The following COG5 variants were observed in gnomAD, a reference collection of about 807,000 sequenced individuals.
COG5 encodes the protein conserved oligomeric Golgi complex subunit 5.
COG5 carries 86 observed loss-of-function variants against 110.4 expected under a neutral mutation model. That is an observed-to-expected ratio of 0.78 (90% CI 0.65 to 0.93). COG5 has a LOEUF of 0.93. COG5 is among the 40% of genes least tolerant of loss of function. COG5 has a pLI of 0.00. For missense variants in COG5, 1,077 were observed against 987.0 expected (o/e 1.09, Z -1.22); for synonymous variants, 360 against 334.6 (o/e 1.08, Z -0.83).
chr7:107,492,196 TG>T (rs1936036574), intron 6 of COG5, among the ~76,000 whole-genome samples: 5 of 151,836 alleles, frequency 3.3e-5, no homozygotes, highest in Non-Finnish European at 7.4e-5. Flanking sequence ...TGTGTGTGTG[TG>T]TGTGTGTAGT....
At chr7:107,489,695 A>G (rs145602423) in intron 6 of COG5, among the ~76,000 whole-genome samples, 2 of 152,298 alleles carry the variant, frequency 1.3e-5, no homozygotes, top group East Asian at 3.8e-4. Flanking sequence ...AACTACTTAT[A>G]AAGGAATGAC....
intron 5 of COG5, among the ~76,000 whole-genome samples, chr7:107,542,467 T>C (rs149232894): frequency 6.6e-6 from 1 of 152,322 alleles, no homozygotes; most frequent in East Asian, 1.9e-4. Context: ...TGGCATTATC[T>C]AATAAAGTTG....
At chr7:107,278,378 T>C (rs1052063151) in intron 14 of COG5, among the ~76,000 whole-genome samples, 5 of 152,082 alleles carry the variant, frequency 3.3e-5, no homozygotes, top group Admixed American at 6.5e-5. Context: ...CCCATCAACC[T>C]CTCATCTACA....
At chr7:107,211,280 T>A (rs1799155911) in intron 19 of COG5, 55 bp from the exon 20 acceptor site, 6 of 1,581,946 alleles carry the variant, frequency 3.8e-6, no homozygotes, top group Non-Finnish European at 5.2e-6. Flanking sequence ...AATAGGTGAT[T>A]TGGTGGGAGA....
chr7:107,478,042 A>C (rs575025381), intron 6 of COG5, among the ~76,000 whole-genome samples: 12 of 152,060 alleles, frequency 7.9e-5, no homozygotes, highest in African/African-American at 2.9e-4. Context: ...TCCATATATC[A>C]TAAATCATAG....
At chr7:107,247,611 G>T (rs1802151684) in intron 17 of COG5, among the ~76,000 whole-genome samples, 1 of 152,156 alleles carries the variant, frequency 6.6e-6, no homozygotes, top group African/African-American at 2.4e-5. Context: ...TAGCTTTAAT[G>T]TGGTTAAGTT....
chr7:107,509,236 A>G (rs1584912573), intron 6 of COG5, among the ~76,000 whole-genome samples: 1 of 152,238 alleles, frequency 6.6e-6, no homozygotes, highest in African/African-American at 2.4e-5. Context: ...AGGCTCAAGA[A>G]CTACGTGAAG....
intron 14 of COG5, among the ~76,000 whole-genome samples, chr7:107,275,749 T>C (rs950116549): frequency 7.9e-5 from 12 of 151,746 alleles, no homozygotes; most frequent in Admixed American, 2.0e-4. Flanking sequence ...GTCTTGAACT[T>C]CTGACCTGAG....
chr7:107,512,965 A>T (rs981398206), intron 6 of COG5, among the ~76,000 whole-genome samples: 2 of 152,122 alleles, frequency 1.3e-5, no homozygotes, highest in Non-Finnish European at 2.9e-5. Flanking sequence ...CCTAGGCAAT[A>T]CCATTCAGGA....
At chr7:107,337,260 A>G (rs967477641) in intron 10 of COG5, among the ~76,000 whole-genome samples, 1 of 152,224 alleles carries the variant, frequency 6.6e-6, no homozygotes, top group African/African-American at 2.4e-5. Flanking sequence ...AAAAACTAAA[A>G]AGAGAACTAT....
intron 11 of COG5, among the ~76,000 whole-genome samples, chr7:107,313,035 T>C (rs143638246): frequency 6.6e-5 from 10 of 152,240 alleles, no homozygotes; most frequent in Admixed American, 2.0e-4. Flanking sequence ...TTGTGAGGCT[T>C]AGGAAACAAA....
chr7:107,280,148 CA>C (rs1805050834), intron 14 of COG5, among the ~76,000 whole-genome samples: 1 of 151,858 alleles, frequency 6.6e-6, no homozygotes, highest in Admixed American at 6.6e-5. Flanking sequence ...AAGATTTAAA[CA>C]AAGATTGAGA....
chr7:107,405,702 G>T (rs1379879208), intron 7 of COG5, among the ~76,000 whole-genome samples: 1 of 152,186 alleles, frequency 6.6e-6, no homozygotes, highest in Non-Finnish European at 1.5e-5. Flanking sequence ...GCAATAGTCT[G>T]AATGTTTGTG....
chr7:107,281,203 TA>T, intron 14 of COG5, 96 bp downstream of exon 14: 1 of 837,308 alleles, frequency 1.2e-6, no homozygotes, highest in Non-Finnish European at 1.9e-6. Flanking sequence ...TGGAAGTAAG[TA>T]AATAGTCAAT....
intron 6 of COG5, among the ~76,000 whole-genome samples, chr7:107,434,948 C>T (rs988781733): frequency 3.4e-5 from 5 of 148,682 alleles, no homozygotes; most frequent in Admixed American, 6.7e-5. Flanking sequence ...CCAACCTGGA[C>T]GACAGAGCGA....
At position 107,395,539 on chromosome 7, in the gene COG5, A is replaced by C. The variant is rs113205742; in HGVS notation, c.669+16963T>G. Among the ~76,000 whole-genome samples, 386 of 120,274 alleles carry C rather than the reference A, an allele frequency of 3.2e-3. 1 individual carries two copies. The highest frequency in any genetic ancestry group is 0.012 in the African/African-American group (372 of 31,330). 78.9% of individuals were successfully genotyped at this position (120,274 alleles called of 152,430 possible). On this transcript the variant is annotated intron_variant, in intron 7 of 21. Transcript: ENST00000297135. The stretch of plus-strand genomic sequence containing the variant: ...TCAAATCGTCTTTACCATGAAGCAG[A>C]TCTTTTTTTTTTTTTTTTTTTTTTT...
rs765171763 is a variant in COG5, at chr7:107,308,055, A to AT, written c.1109-9710dup. On this transcript the variant is annotated intron_variant, in intron 11 of 21. Transcript: ENST00000297135. The stretch of plus-strand genomic sequence containing the variant: ...AGGATCCATAAATAGTTCACCTATT[A>AT]TAACTAGTTGATATATCATCAACCT... 1.7e-3 allele frequency among the ~76,000 whole-genome samples: 255 copies of AT among 152,336 alleles called. 1 individual carries two copies. Among genetic ancestry groups the AT allele is most frequent in the Non-Finnish European group, 1.6e-3 (108 of 68,024 alleles).
At chr7:107,269,941 A>G (rs1804109987) in intron 14 of COG5, among the ~76,000 whole-genome samples, 4 of 152,210 alleles carry the variant, frequency 2.6e-5, no homozygotes. Flanking sequence ...GCATTTAATC[A>G]GTTTTAAGTC....
chr7:107,286,537 A>C (rs1466530635), intron 12 of COG5, among the ~76,000 whole-genome samples: 1 of 152,204 alleles, frequency 6.6e-6, no homozygotes, highest in Non-Finnish European at 1.5e-5. Flanking sequence ...TCAGAGAAAA[A>C]ATGATTTCTA....
Sources: gnomAD v4.1 joint callset for allele counts (sites outside exome capture counted in the v4.1 genomes callset) on GRCh38, gnomAD v4.1.1 for gene constraint, MANE v1.5 for transcripts, NCBI Gene and HGNC (gene_info 2026-07-23, HGNC 2026-07-21) for gene names.